Variants in NUP210 observed in about 807,000 individuals in gnomAD.
NUP210 encodes the protein nuclear pore membrane glycoprotein 210.
NUP210 carries 151 observed loss-of-function variants against 196.0 expected under a neutral mutation model. That is an observed-to-expected ratio of 0.77 (90% CI 0.67 to 0.88). The LOEUF (loss-of-function observed/expected upper bound fraction) is 0.88. Ranked by LOEUF, NUP210 falls within the 40% of genes least tolerant of loss-of-function variation. NUP210 has a pLI of 0.00. For synonymous variants in NUP210, 1,070 were observed against 1,052.7 expected (o/e 1.02, Z -0.32); for missense variants, 2,314 against 2,493.7 (o/e 0.93, Z 1.53).
chr3:13,321,620 C>A lies in NUP210; in HGVS notation c.5131G>T (p.Val1711Phe), dbSNP rs1696531091. The A allele has an allele frequency of 2.5e-6, 4 of 1,614,154 alleles. No individual in the cohort carries two copies. Among genetic ancestry groups the A allele is most frequent in the Middle Eastern group, 1.6e-4 (1 of 6,062 alleles). The change falls in exon 36 of 40, where the codon GTC (valine) becomes TTC (phenylalanine). Residue 1711 changes from valine (V) to phenylalanine (F), a missense_variant. Physicochemically the swap from Val to Phe is conservative, Grantham distance 50. Transcript: ENST00000254508. ...TCCAGAACCTCCGGGGCACCAAAGA[C>A]CCTGATCTCGGAACTGGTGTAGTGG... ...SNHYTSSEIR[V>F]FGAPEVLENL...
intron 13 of NUP210, among the ~76,000 whole-genome samples, 189 bp from the exon 14 acceptor site, chr3:13,366,280 C>T (rs1028268348): frequency 1.3e-5 from 2 of 152,094 alleles, no homozygotes; most frequent in African/African-American, 4.8e-5. Context: ...AGGCATGGAC[C>T]ACTACACCCG....
At chr3:13,418,639 C>T (rs927555301) in intron 1 of NUP210, among the ~76,000 whole-genome samples, 2 of 152,022 alleles carry the variant, frequency 1.3e-5, no homozygotes, top group Non-Finnish European at 2.9e-5. Context: ...ATGCAAAAAA[C>T]TAGCTGGGTG....
chr3:13,341,924 C>G (rs771054733), intron 22 of NUP210, 41 bp from the exon 23 acceptor site: 1 of 1,613,466 alleles, frequency 6.2e-7, no homozygotes. Flanking sequence ...CAAGACCACC[C>G]CGTGGGAAAG....
At chr3:13,343,341 G>GGGGGGGGGT in intron 20 of NUP210, 38 bp from the exon 21 acceptor site, 1 of 1,217,962 alleles carries the variant, frequency 8.2e-7, no homozygotes, top group Non-Finnish European at 1.2e-6. Context: ...GTGGGTGGTG[G>GGGGGGGGGT]GTTACGCAGC....
chr3:13,390,738 G>A (rs1699461739), intron 4 of NUP210, among the ~76,000 whole-genome samples: 1 of 152,220 alleles, frequency 6.6e-6, no homozygotes, highest in African/African-American at 2.4e-5. Flanking sequence ...CTGCCAGGAG[G>A]ATGACACAGG....
At chr3:13,388,210 C>A in intron 5 of NUP210, 93 bp downstream of exon 5, 1 of 899,216 alleles carries the variant, frequency 1.1e-6, no homozygotes. Context: ...CACTATTCAA[C>A]GTGCCTATAG....
At chr3:13,369,951 C>A (rs1474588554) in intron 13 of NUP210, among the ~76,000 whole-genome samples, 2 of 152,156 alleles carry the variant, frequency 1.3e-5, no homozygotes, top group Admixed American at 1.3e-4. Flanking sequence ...CTCCTCAGAG[C>A]CATGATCAGA....
intron 15 of NUP210, 101 bp from the exon 16 acceptor site, chr3:13,358,496 C>T (rs79393819): frequency 1.7e-6 from 2 of 1,204,212 alleles, no homozygotes; most frequent in Non-Finnish European, 2.3e-6. Flanking sequence ...TCAGTTTTCT[C>T]CTCTATAGGA....
intron 14 of NUP210, among the ~76,000 whole-genome samples, chr3:13,361,772 C>T (rs868011850): frequency 8.5e-5 from 13 of 152,188 alleles, no homozygotes; most frequent in African/African-American, 1.7e-4. Flanking sequence ...CACGCACCCA[C>T]GGCCCTTGGA....
chr3:13,418,317 G>A (rs1700413012), intron 1 of NUP210, among the ~76,000 whole-genome samples: 1 of 152,258 alleles, frequency 6.6e-6, no homozygotes, highest in Non-Finnish European at 1.5e-5. Flanking sequence ...GGCAGGCCGG[G>A]TGCAGTGGCT....
At chr3:13,342,871 G>T (rs974732978) in intron 21 of NUP210, among the ~76,000 whole-genome samples, 1 of 152,212 alleles carries the variant, frequency 6.6e-6, no homozygotes, top group Non-Finnish European at 1.5e-5. Flanking sequence ...GTGCCTCGTT[G>T]GTTAATAACC....
chr3:13,375,133 AT>A (rs1698854621), intron 11 of NUP210, among the ~76,000 whole-genome samples: 2 of 136,464 alleles, frequency 1.5e-5, no homozygotes, highest in African/African-American at 5.7e-5. Flanking sequence ...TCTTTATTCT[AT>A]TTTTTCTCTT....
chr3:13,326,457 C>T (rs1359996264), intron 32 of NUP210, among the ~76,000 whole-genome samples: 1 of 152,116 alleles, frequency 6.6e-6, no homozygotes, highest in East Asian at 1.9e-4. Context: ...AAGGACTCAA[C>T]CATAATCTAT....
intron 29 of NUP210, among the ~76,000 whole-genome samples, chr3:13,331,633 C>T (rs964784319): frequency 6.6e-6 from 1 of 152,226 alleles, no homozygotes; most frequent in African/African-American, 2.4e-5. Flanking sequence ...ATCTGTGTTC[C>T]TGGAGCCCAG....
chr3:13,393,856 A>T (rs1699567002), intron 3 of NUP210, among the ~76,000 whole-genome samples: 1 of 152,226 alleles, frequency 6.6e-6, no homozygotes, highest in Non-Finnish European at 1.5e-5. Context: ...CCAGGGATCC[A>T]GTCTCCAGAG....
intron 12 of NUP210, among the ~76,000 whole-genome samples, chr3:13,372,736 G>A (rs552462071): frequency 4.6e-5 from 7 of 152,162 alleles, no homozygotes; most frequent in Non-Finnish European, 7.4e-5. Flanking sequence ...GCGAAGCACT[G>A]GCCTGAAGGG....
At chr3:13,319,177 T>C (rs1293357718) in intron 38 of NUP210, 22 bp from the exon 39 acceptor site, 1 of 1,611,932 alleles carries the variant, frequency 6.2e-7, no homozygotes, top group East Asian at 2.2e-5. Flanking sequence ...CAGGGTTGGT[T>C]AGAGCAGGTC....
chr3:13,386,322 G>A lies in NUP210; in HGVS notation c.770C>T (p.Thr257Ile). ...PAYDVYLMVG[T>I]SIHYKVQKIR... ...CTTCTGCACCTTGTAGTGAATGGAG[G>A]TTCCCACCATCAGGTAGACGTCATA... is the stretch of plus-strand genomic sequence containing the variant. The change falls in exon 6 of 40, where the codon ACC (threonine) becomes ATC (isoleucine). Residue 257 changes from threonine to isoleucine, a missense_variant. Physicochemically the swap from Thr to Ile is moderately conservative, Grantham distance 89. Coordinates refer to ENST00000254508, the MANE Select transcript of NUP210 (RefSeq NM_024923.4). 9 of 1,614,150 alleles carry A rather than the reference G, an allele frequency of 5.6e-6. No individual in the cohort carries two copies. Among genetic ancestry groups the A allele is most frequent in the Non-Finnish European group, 7.6e-6 (9 of 1,180,018 alleles).
At chr3:13,415,222 A>G (rs1559352980) in intron 1 of NUP210, among the ~76,000 whole-genome samples, 1 of 152,184 alleles carries the variant, frequency 6.6e-6, no homozygotes, top group Non-Finnish European at 1.5e-5. Context: ...GCGAGACTCC[A>G]TCTCAAAAAA....
Sources: gnomAD v4.1 joint callset for allele counts (sites outside exome capture counted in the v4.1 genomes callset) on GRCh38, gnomAD v4.1.1 for gene constraint, MANE v1.5 for transcripts, NCBI Gene and HGNC (gene_info 2026-07-23, HGNC 2026-07-21) for gene names.